TTBK2: variants seen among roughly 807,000 people sequenced by gnomAD.
TTBK2 encodes the protein tau-tubulin kinase 2.
Under a neutral mutation model 110.8 loss-of-function variants are expected in TTBK2, and 28 were observed. That is an observed-to-expected ratio of 0.25 (90% CI 0.19 to 0.35). TTBK2 has a LOEUF of 0.35. TTBK2 is among the 10% of genes least tolerant of loss of function. TTBK2 has a pLI of 1.00. For missense variants in TTBK2, 1,369 were observed against 1,500.3 expected (o/e 0.91, Z 1.45); for synonymous variants, 532 against 527.3 (o/e 1.01, Z -0.12).
intron 1 of TTBK2, among the ~76,000 whole-genome samples, chr15:42,914,725 CATT>C (rs1286269296): frequency 6.6e-6 from 1 of 152,080 alleles, no homozygotes; most frequent in Non-Finnish European, 1.5e-5. Flanking sequence ...TTTATTTTGT[CATT>C]ATTTATTTAA....
intron 14 of TTBK2, among the ~76,000 whole-genome samples, 197 bp downstream of exon 14, chr15:42,751,777 T>C (rs2061868831): frequency 6.6e-6 from 1 of 152,188 alleles, no homozygotes; most frequent in African/African-American, 2.4e-5. Context: ...CTAAATTTTA[T>C]GTTATGTGTA....
intron 1 of TTBK2, among the ~76,000 whole-genome samples, chr15:42,900,971 T>C (rs991574928): frequency 1.3e-5 from 2 of 152,036 alleles, no homozygotes; most frequent in African/African-American, 4.8e-5. Flanking sequence ...GATATCCACA[T>C]GTAAAAGAAA....
At chr15:42,886,095 C>T (rs1309394967) in intron 1 of TTBK2, among the ~76,000 whole-genome samples, 1 of 152,182 alleles carries the variant, frequency 6.6e-6, no homozygotes, top group African/African-American at 2.4e-5. Flanking sequence ...AATCTTTCTT[C>T]TTTCTGTCCT....
At chr15:42,821,886 T>C (rs2140962987) in intron 6 of TTBK2, among the ~76,000 whole-genome samples, 1 of 152,096 alleles carries the variant, frequency 6.6e-6, no homozygotes, top group Non-Finnish European at 1.5e-5. Context: ...GAGACGGAGT[T>C]CCACCGTGTT....
intron 1 of TTBK2, among the ~76,000 whole-genome samples, chr15:42,888,193 C>T (rs1415379758): frequency 6.6e-6 from 1 of 152,132 alleles, no homozygotes; most frequent in African/African-American, 2.4e-5. Flanking sequence ...TCACTCTCTA[C>T]AGTTCTCATA....
Position 42,806,823 on chromosome 15 carries a change from T to TC in TTBK2, c.822+3790_822+3791insG, listed in dbSNP as rs1361512858. Among the ~76,000 whole-genome samples, 3 of 152,116 alleles carry TC rather than the reference T, an allele frequency of 2.0e-5. No homozygotes were observed. The East Asian group carries it at 5.8e-4, about 29-fold the overall frequency. On this transcript the variant is annotated intron_variant, in intron 9 of 14. Coordinates refer to ENST00000267890, the MANE Select transcript of TTBK2 (RefSeq NM_173500.4). The stretch of plus-strand genomic sequence containing the variant: ...ATTATGAGATTTTTTTGTGATTTTT[T>TC]TTTTTTTTGGCTCATCAGCTATCAT...
intron 10 of TTBK2, among the ~76,000 whole-genome samples, chr15:42,793,694 C>T (rs1595916159): frequency 6.6e-6 from 1 of 152,060 alleles, no homozygotes; most frequent in East Asian, 1.9e-4. Context: ...ACTAAAAATA[C>T]AAAATTAGCC....
intron 1 of TTBK2, among the ~76,000 whole-genome samples, chr15:42,887,202 T>A (rs1487161848): frequency 6.6e-6 from 1 of 152,172 alleles, no homozygotes; most frequent in Non-Finnish European, 1.5e-5. Flanking sequence ...CACTCCTTTT[T>A]GGTCATCCCC....
Position 42,744,695 on chromosome 15 carries a change from AATTT to A in TTBK2, c.*1096_*1099del, listed in dbSNP as rs2061770347. ...ACATTAAAAAAGAAATATTTGCCTAAATTTATTTCCCCAGATATTAATTCCTTAT... is the reference window on the plus strand; with the variant it reads ...ACATTAAAAAAGAAATATTTGCCTAAATTTCCCCAGATATTAATTCCTTAT... On this transcript the variant is annotated 3_prime_UTR_variant, in exon 15 of 15. Transcript: ENST00000267890. 1 of 152,196 alleles carries A rather than the reference AATTT, an allele frequency of 6.6e-6. No individual in the cohort carries two copies. The highest frequency in any genetic ancestry group is 1.5e-5 in the Non-Finnish European group (1 of 68,036). 9.4% of individuals were successfully genotyped at this position (152,196 alleles called of 1,614,324 possible). A position where few individuals can be genotyped will look rare whatever the true frequency, so the allele number is the denominator to read the frequency against.
At chr15:42,895,539 A>T (rs1292241635) in intron 1 of TTBK2, among the ~76,000 whole-genome samples, 1 of 142,328 alleles carries the variant, frequency 7.0e-6, no homozygotes, top group East Asian at 2.0e-4. Flanking sequence ...CATCAAAAAG[A>T]TTTTTTTTTT....
rs142947148 is a variant in TTBK2 at position 42,854,503 on chromosome 15, G to A, written c.218-14070C>T. ...GTCATTCTGTCATAACGTTGGTGAG[G>A]AAAAACAATTGGTTTTGTTATACGT... On this transcript the variant is annotated intron_variant, in intron 3 of 14. Coordinates refer to ENST00000267890, the MANE Select transcript of TTBK2 (RefSeq NM_173500.4). Among the ~76,000 whole-genome samples the A allele has an allele frequency of 9.1e-3, 1,389 of 152,230 alleles. 16 individuals are homozygous for A. The highest frequency in any genetic ancestry group is 0.032 in the African/African-American group (1,320 of 41,536).
chr15:42,769,073 A>G (rs1381535171), intron 13 of TTBK2, among the ~76,000 whole-genome samples: 2 of 152,236 alleles, frequency 1.3e-5, no homozygotes, highest in East Asian at 3.8e-4. Context: ...GAAAGTTGAA[A>G]TTGGATCCCT....
At chr15:42,841,009 C>T (rs1893197921) in intron 3 of TTBK2, among the ~76,000 whole-genome samples, 1 of 152,092 alleles carries the variant, frequency 6.6e-6, no homozygotes, top group South Asian at 2.1e-4. Context: ...AAAGACCCCC[C>T]AAAAGAATTG....
intron 1 of TTBK2, among the ~76,000 whole-genome samples, chr15:42,913,803 T>A (rs77298717): frequency 6.6e-6 from 1 of 152,154 alleles, no homozygotes; most frequent in Non-Finnish European, 1.5e-5. Flanking sequence ...ACCAGATTGT[T>A]AAGGAAAACA....
At chr15:42,778,063 C>A (rs1890009324) in intron 11 of TTBK2, among the ~76,000 whole-genome samples, 1 of 151,500 alleles carries the variant, frequency 6.6e-6, no homozygotes, top group Admixed American at 6.6e-5. Flanking sequence ...AGGCCTGCTA[C>A]CATGATTGAC....
intron 1 of TTBK2, among the ~76,000 whole-genome samples, chr15:42,884,154 T>C (rs1188070332): frequency 1.3e-5 from 2 of 152,182 alleles, no homozygotes; most frequent in African/African-American, 2.4e-5. Flanking sequence ...GACAAATCCG[T>C]GGTTATAACT....
At chr15:42,759,742 T>G (rs2061998057) in intron 13 of TTBK2, among the ~76,000 whole-genome samples, 1 of 152,136 alleles carries the variant, frequency 6.6e-6, no homozygotes, top group Non-Finnish European at 1.5e-5. Context: ...CACACCCAAC[T>G]GATACCCCAA....
chr15:42,858,086 A>C (rs1894016021), intron 3 of TTBK2, among the ~76,000 whole-genome samples: 1 of 138,304 alleles, frequency 7.2e-6, no homozygotes, highest in Non-Finnish European at 1.5e-5. Flanking sequence ...AACCCAAAAC[A>C]ACAACAACAA....
rs2061746700 is a variant in TTBK2 at position 42,741,020 on chromosome 15, C to T, written c.*4775G>A. On this transcript the variant is annotated 3_prime_UTR_variant, in exon 15 of 15. Coordinates refer to ENST00000267890, the MANE Select transcript of TTBK2 (RefSeq NM_173500.4). ...ATCCCTGTGCCATGTCTTGCACTTA[C>T]CTAAGAACTATAGGAATTCTCCATG... is the stretch of plus-strand genomic sequence containing the variant. 1.3e-5 allele frequency: 2 copies of T among 152,206 alleles called. No homozygotes were observed. Among genetic ancestry groups the T allele is most frequent in the Admixed American group, 6.5e-5 (1 of 15,280 alleles). The allele number at this position is 152,206 out of a possible 1,614,324, so 9.4% of individuals were successfully genotyped here.
Sources: allele counts gnomAD v4.1 joint callset (sites outside exome capture counted in the v4.1 genomes callset), GRCh38; gene constraint gnomAD v4.1.1; transcripts MANE v1.5; gene names NCBI Gene and HGNC (gene_info 2026-07-23, HGNC 2026-07-21).